Variants in DENND1A observed in about 807,000 individuals in gnomAD.
DENND1A encodes the protein DENN domain-containing protein 1A.
Under a neutral mutation model 113.7 loss-of-function variants are expected in DENND1A, and 51 were observed. That is an observed-to-expected ratio of 0.45 (90% confidence interval 0.36 to 0.57). The LOEUF (loss-of-function observed/expected upper bound fraction) is 0.57. DENND1A is among the 20% of genes least tolerant of loss of function. DENND1A has a pLI of 0.00. For missense variants in DENND1A, 1,258 were observed against 1,395.9 expected, an observed-to-expected ratio of 0.90 and a Z score of 1.57; for synonymous variants, 565 against 570.8, an observed-to-expected ratio of 0.99 and a Z score of 0.14.
chr9:123,725,842 T>G (rs2067668163), intron 5 of DENND1A, among the ~76,000 whole-genome samples: 1 of 152,250 alleles, frequency 6.6e-6, no homozygotes, highest in Non-Finnish European at 1.5e-5. Flanking sequence ...ATGGAAATCT[T>G]GAGGAAGATA....
intron 13 of DENND1A, among the ~76,000 whole-genome samples, chr9:123,465,423 G>A (rs1196038031): frequency 6.6e-6 from 1 of 151,468 alleles, no homozygotes; most frequent in African/African-American, 2.4e-5. Flanking sequence ...TGGCTTGGGT[G>A]GAAAGACCTG....
intron 2 of DENND1A, among the ~76,000 whole-genome samples, chr9:123,806,253 C>CTGTT (rs1835543914): frequency 6.7e-6 from 1 of 150,340 alleles, no homozygotes; most frequent in South Asian, 2.1e-4. Flanking sequence ...GGCCAACATA[C>CTGTT]TGTTTGTTTG....
At chr9:123,606,186 G>A (rs1372972501) in intron 11 of DENND1A, among the ~76,000 whole-genome samples, 3 of 152,206 alleles carry the variant, frequency 2.0e-5, no homozygotes, top group Non-Finnish European at 4.4e-5. Flanking sequence ...TGAAATTCCA[G>A]GGAGGAGGTC....
intron 2 of DENND1A, among the ~76,000 whole-genome samples, chr9:123,835,626 T>C (rs1268789056): frequency 1.3e-5 from 2 of 150,494 alleles, no homozygotes; most frequent in Admixed American, 6.6e-5. Flanking sequence ...TAACTCTTTA[T>C]CTTGGATATC....
intron 5 of DENND1A, among the ~76,000 whole-genome samples, chr9:123,694,834 T>C (rs975751932): frequency 6.6e-6 from 1 of 152,226 alleles, no homozygotes; most frequent in Non-Finnish European, 1.5e-5. Context: ...TTGTGATGGT[T>C]AATACTGAGT....
At chr9:123,782,183 A>T (rs1831423475) in intron 3 of DENND1A, among the ~76,000 whole-genome samples, 1 of 152,228 alleles carries the variant, frequency 6.6e-6, no homozygotes, top group African/African-American at 2.4e-5. Context: ...ATTAAATCTG[A>T]AAGCTATTTC....
At chr9:123,570,774 G>A (rs2058311314) in intron 12 of DENND1A, among the ~76,000 whole-genome samples, 1 of 152,162 alleles carries the variant, frequency 6.6e-6, no homozygotes, top group African/African-American at 2.4e-5. Flanking sequence ...CCTCGCTTCT[G>A]GAATCAAATG....
chr9:123,640,308 T>A (rs1238593364), intron 9 of DENND1A, among the ~76,000 whole-genome samples: 1 of 152,160 alleles, frequency 6.6e-6, no homozygotes, highest in African/African-American at 2.4e-5. Context: ...GACAGAGACA[T>A]CAGAGCCCTG....
chr9:123,676,738 A>G lies in DENND1A; in HGVS notation c.354T>C (p.Asp118=). Residue 118 remains aspartate, a synonymous_variant, in exon 6 of 24, where the codon GAT becomes GAC. Transcript: ENST00000394215. ...TAAATACCTGTCTTTTTGTCGTGTA[A>G]TCTGCCAGGATGTTAAGCAGCTTAT... The part of the protein sequence containing the change: ...VFYKLLNILA[D]YTTKRQENQW... 1 of 1,614,012 alleles carries G rather than the reference A, an allele frequency of 6.2e-7. No individual in the cohort carries two copies. The highest frequency in any genetic ancestry group is 1.1e-5 in the South Asian group (1 of 91,088).
intron 3 of DENND1A, among the ~76,000 whole-genome samples, chr9:123,773,611 G>A (rs1416555652): frequency 6.6e-6 from 1 of 152,190 alleles, no homozygotes; most frequent in Admixed American, 6.5e-5. Context: ...GTGCTAGGTA[G>A]GGGGCTATAG....
intron 13 of DENND1A, among the ~76,000 whole-genome samples, chr9:123,502,770 G>T (rs545049436): frequency 6.6e-6 from 1 of 152,190 alleles, no homozygotes; most frequent in Non-Finnish European, 1.5e-5. Flanking sequence ...AACCAGTGTC[G>T]TGAAGCTTTT....
rs577452477 is a variant in DENND1A, at chr9:123,846,931, C to A, written c.88+32020G>T. ...ATTAATTATATCTTTTATTAATGGG[C>A]AAATTGTATGGTTTGTGAATATCTC... is the stretch of plus-strand genomic sequence containing the variant. On this transcript the variant is annotated intron_variant, in intron 2 of 23. Coordinates refer to ENST00000394215, the MANE Select transcript of DENND1A (RefSeq NM_001352964.2). Among the ~76,000 whole-genome samples the A allele has an allele frequency of 9.2e-5, 14 of 152,162 alleles. No homozygotes were observed. In the East Asian group the frequency reaches 1.9e-3, roughly 21 times the overall value.
At chr9:123,461,593 T>A (rs1038542132) in intron 13 of DENND1A, among the ~76,000 whole-genome samples, 10 of 152,204 alleles carry the variant, frequency 6.6e-5, no homozygotes, top group Admixed American at 5.9e-4. Context: ...GGAAGAAGTC[T>A]GCTGAGGGCC....
At chr9:123,537,671 TAA>T (rs11356017) in intron 13 of DENND1A, among the ~76,000 whole-genome samples, 30 of 144,360 alleles carry the variant, frequency 2.1e-4, no homozygotes, top group African/African-American at 6.8e-4. Context: ...GGCATGTAGT[TAA>T]AAAAAAAAAA....
At chr9:123,489,890 T>C (rs1026036810) in intron 13 of DENND1A, among the ~76,000 whole-genome samples, 6 of 152,230 alleles carry the variant, frequency 3.9e-5, no homozygotes, top group African/African-American at 1.4e-4. Flanking sequence ...GTACGCTCCC[T>C]GCATGTTCTG....
At chr9:123,594,949 C>T (rs936018222) in intron 11 of DENND1A, among the ~76,000 whole-genome samples, 9 of 152,146 alleles carry the variant, frequency 5.9e-5, no homozygotes, top group African/African-American at 1.9e-4. Flanking sequence ...TTTATTTCCT[C>T]CTGAAATCTC....
At chr9:123,765,191 G>A (rs984492831) in intron 4 of DENND1A, among the ~76,000 whole-genome samples, 1 of 152,076 alleles carries the variant, frequency 6.6e-6, no homozygotes, top group African/African-American at 2.4e-5. Context: ...ATGCTGTGAT[G>A]GATCTTATGG....
chr9:123,557,696 C>CTGG lies in DENND1A; in HGVS notation c.868-4_868-2dup, dbSNP rs1183417364. 5 of 1,613,558 alleles carry CTGG rather than the reference C, an allele frequency of 3.1e-6. No individual in the cohort carries two copies. In the East Asian group the frequency reaches 1.1e-4, roughly 36 times the overall value. On this transcript the variant is annotated splice_acceptor_variant, in intron 12 of 23. Coordinates refer to ENST00000394215, the MANE Select transcript of DENND1A (RefSeq NM_001352964.2). LOFTEE classifies it high-confidence loss of function. ...TCAGCCTGTTCTTCAGGGAAGAGAT[C>CTGG]TGGTGATGGAGAGAAGGAAAACACA...
chr9:123,925,470 TTTTG>T (rs1856941679), intron 1 of DENND1A, among the ~76,000 whole-genome samples: 1 of 152,166 alleles, frequency 6.6e-6, no homozygotes, highest in African/African-American at 2.4e-5. Context: ...TATACTTGTG[TTTTG>T]TTTTTTTTGT....
Sources: allele counts gnomAD v4.1 joint callset (sites outside exome capture counted in the v4.1 genomes callset), GRCh38; gene constraint gnomAD v4.1.1; transcripts MANE v1.5; gene names NCBI Gene and HGNC (gene_info 2026-07-23, HGNC 2026-07-21).